Variants in RXFP3 observed in about 807,000 individuals in gnomAD.
The protein encoded by RXFP3 is relaxin-3 receptor 1.
RXFP3 carries 31 observed loss-of-function variants against 27.3 expected under a neutral mutation model. The ratio of observed to expected loss-of-function variants is 1.13; its 90% CI spans 0.85 to 1.53. The LOEUF is 1.53. RXFP3 is among the 40% of genes most tolerant of loss of function. The pLI is 0.00. For synonymous variants in RXFP3, 351 were observed against 293.6 expected (o/e 1.20, Z -2.00); for missense variants, 684 against 642.1 (o/e 1.07, Z -0.70).
rs773760844 is a variant in RXFP3 at position 33,936,735 on chromosome 5, C to T, written c.-6C>T. 1.1e-5 allele frequency: 17 copies of T among 1,516,606 alleles called. No homozygotes were observed. The highest frequency in any genetic ancestry group is 1.4e-5 in the Non-Finnish European group (16 of 1,130,982). 93.9% of individuals were successfully genotyped at this position (1,516,606 alleles called of 1,614,324 possible). A position where few individuals can be genotyped will look rare whatever the true frequency, so the allele number is the denominator to read the frequency against. ...CCCCCAGAACATGACCTAGAGGTAC[C>T]TGCGCATGCAGATGGCCGATGCAGC... is the stretch of plus-strand genomic sequence containing the variant. On this transcript the variant is annotated 5_prime_UTR_variant, in exon 1 of 1. Transcript: ENST00000330120.
Position 33,937,217 on chromosome 5 carries a change from C to T in RXFP3, c.477C>T (p.Ser159=). ...GCAAGGCCATGTGTAAGATCGTGTC[C>T]ATGGTGACGTCCATGAACATGTACG... ...PFGKAMCKIV[S]MVTSMNMYAS... Residue 159 remains serine (S), a synonymous_variant, in exon 1 of 1, where the codon TCC becomes TCT. Transcript: ENST00000330120. The T allele has an allele frequency of 6.2e-7, 1 of 1,614,172 alleles. No individual in the cohort carries two copies. The highest frequency in any genetic ancestry group is 8.5e-7 in the Non-Finnish European group (1 of 1,180,038).
chr5:33,937,172 T>C lies in RXFP3; in HGVS notation c.432T>C (p.Leu144=), dbSNP rs778925412. Residue 144 remains leucine (L), a synonymous_variant, in exon 1 of 1, where the codon CTT becomes CTC. Coordinates refer to ENST00000330120, the MANE Select transcript of RXFP3 (RefSeq NM_016568.3). ...TLPFWAVENA[L]DFKWPFGKAM... ...CCTTCTGGGCGGTGGAGAACGCTCT[T>C]GACTTCAAATGGCCCTTCGGCAAGG... is the stretch of plus-strand genomic sequence containing the variant. The C allele has an allele frequency of 1.2e-6, 2 of 1,613,880 alleles. No homozygotes were observed. The highest frequency in any genetic ancestry group is 3.3e-5 in the Admixed American group (2 of 60,032).
In RXFP3 at chr5:33,938,022, G is replaced by A; in HGVS notation, c.1282G>A (p.Asp428Asn). Residue 428 changes from aspartate (D) to asparagine (N), a missense_variant, in exon 1 of 1, where the codon GAT (aspartate) becomes AAT (asparagine). Physicochemically the swap from Asp to Asn is conservative, Grantham distance 23. Coordinates refer to ENST00000330120, the MANE Select transcript of RXFP3 (RefSeq NM_016568.3). ...CGCCACTACCAAGCCGGAGCACGAG[G>A]ATCAGGGGCTGCAGGCCCCGGCGCC... ...FTATTKPEHE[D>N]QGLQAPAPPH... 1 of 1,612,736 alleles carries A rather than the reference G, an allele frequency of 6.2e-7. No homozygotes were observed. The highest frequency in any genetic ancestry group is 8.5e-7 in the Non-Finnish European group (1 of 1,179,912).
rs544849272 is a variant in RXFP3, at chr5:33,938,242, C to A, written c.*92C>A. The A allele has an allele frequency of 1.3e-5, 16 of 1,193,836 alleles. No individual in the cohort carries two copies. Among genetic ancestry groups the A allele is most frequent in the Non-Finnish European group, 1.7e-5 (15 of 860,328 alleles). The allele number at this position is 1,193,836 out of a possible 1,614,324, so 74.0% of individuals were successfully genotyped here. On this transcript the variant is annotated 3_prime_UTR_variant, in exon 1 of 1. Transcript: ENST00000330120. ...AAGGATGAAGGAGGGCTGGGGGGGG[C>A]CCCATTTAAGAAGTAGGTGGGAGGA...
At position 33,937,402 on chromosome 5, in the gene RXFP3, T is replaced by C; in HGVS notation, c.662T>C (p.Ile221Thr). The C allele has an allele frequency of 6.2e-7, 1 of 1,613,442 alleles. No individual in the cohort carries two copies. Among genetic ancestry groups the C allele is most frequent in the Non-Finnish European group, 8.5e-7 (1 of 1,179,912 alleles). Residue 221 changes from isoleucine to threonine, a missense_variant, in exon 1 of 1, where the codon ATC becomes ACC. Transcript: ENST00000330120. Reference sequence around the variant, plus strand: ...TCGGCCAAGGCGCTGTGTGTGTGGATCTGGGCTTTGGCCGCGCTGGCCTCG... The same window carrying C: ...TCGGCCAAGGCGCTGTGTGTGTGGACCTGGGCTTTGGCCGCGCTGGCCTCG... Reference protein sequence around the residue: ...CFSAKALCVWIWALAALASLP... With the variant: ...CFSAKALCVWTWALAALASLP...
chr5:33,937,972 C>G lies in RXFP3; in HGVS notation c.1232C>G (p.Ser411Trp). 1.2e-6 allele frequency: 2 copies of G among 1,613,144 alleles called. No homozygotes were observed. The highest frequency in any genetic ancestry group is 1.7e-6 in the Non-Finnish European group (2 of 1,180,034). The change falls in exon 1 of 1, where the codon TCG becomes TGG. Residue 411 changes from serine to tryptophan, a missense_variant. Coordinates refer to ENST00000330120, the MANE Select transcript of RXFP3 (RefSeq NM_016568.3). ...CTGCTGTGGCGCATCGCGTCTCCTTCGATCACCAGCATGCGCCCCTTCACC... is the reference window on the plus strand; with the variant it reads ...CTGCTGTGGCGCATCGCGTCTCCTTGGATCACCAGCATGCGCCCCTTCACC... ...KSLLWRIASP[S>W]ITSMRPFTAT...
chr5:33,937,692 GC>G lies in RXFP3; in HGVS notation c.955del (p.Arg319GlyfsTer10). The G allele has an allele frequency of 6.2e-7, 1 of 1,612,430 alleles. No homozygotes were observed. The highest frequency in any genetic ancestry group is 2.2e-5 in the East Asian group (1 of 44,810). ...CGGAGGACGCCCGACCGGAGCCAGC[GC>G]CCGGAGACTGTCGAAGGTCACCAAA... ...VAGGRPTGAS[A>X]RRLSKVTKSV... On this transcript the variant is annotated frameshift_variant, in exon 1 of 1. Coordinates refer to ENST00000330120, the MANE Select transcript of RXFP3 (RefSeq NM_016568.3). LOFTEE classifies it high-confidence loss of function.
Position 33,936,772 on chromosome 5 carries a change from C to A in RXFP3, c.32C>A (p.Thr11Asn), listed in dbSNP as rs760796106. Residue 11 changes from threonine (T) to asparagine (N), a missense_variant, in exon 1 of 1, where the codon ACC becomes AAC. By Grantham distance (65) the Thr-to-Asn change is moderately conservative. Transcript: ENST00000330120. MQMADAATIATMNKAAGGDKL... is the reference protein window; with the variant it reads MQMADAATIANMNKAAGGDKL... ...ATGGCCGATGCAGCCACGATAGCCA[C>A]CATGAATAAGGCAGCAGGCGGGGAC... The A allele has an allele frequency of 1.2e-5, 18 of 1,527,450 alleles. No individual in the cohort carries two copies. Among genetic ancestry groups the A allele is most frequent in the Non-Finnish European group, 1.5e-5 (17 of 1,135,102 alleles). 94.6% of individuals were successfully genotyped at this position (1,527,450 alleles called of 1,614,324 possible). A position where few individuals can be genotyped will look rare whatever the true frequency, so the allele number is the denominator to read the frequency against.
chr5:33,936,657 G>T lies in RXFP3; in HGVS notation c.-84G>T, dbSNP rs915997570. 9 of 1,331,208 alleles carry T rather than the reference G, an allele frequency of 6.8e-6. No individual in the cohort carries two copies. Among genetic ancestry groups the T allele is most frequent in the Non-Finnish European group, 9.1e-6 (9 of 990,224 alleles). 82.5% of individuals were successfully genotyped at this position (1,331,208 alleles called of 1,614,324 possible). A position where few individuals can be genotyped will look rare whatever the true frequency, so the allele number is the denominator to read the frequency against. On this transcript the variant is annotated 5_prime_UTR_variant, in exon 1 of 1. Transcript: ENST00000330120. ...CTTTGAAAGCTCCCACGCACGTCCCGCAGGCTAGCCTGGCAACAAAACTGG... is the reference window on the plus strand; with the variant it reads ...CTTTGAAAGCTCCCACGCACGTCCCTCAGGCTAGCCTGGCAACAAAACTGG...
In RXFP3 at chr5:33,937,404, T is replaced by A. The variant is rs1482319805; in HGVS notation, c.664T>A (p.Trp222Arg). The change falls in exon 1 of 1, where the codon TGG becomes AGG. Residue 222 changes from tryptophan to arginine, a missense_variant. Physicochemically the swap from Trp to Arg is moderately radical, Grantham distance 101. Transcript: ENST00000330120. ...FSAKALCVWI[W>R]ALAALASLPS... ...GGCCAAGGCGCTGTGTGTGTGGATC[T>A]GGGCTTTGGCCGCGCTGGCCTCGCT... 1 of 1,613,468 alleles carries A rather than the reference T, an allele frequency of 6.2e-7. No homozygotes were observed. Among genetic ancestry groups the A allele is most frequent in the Middle Eastern group, 1.7e-4 (1 of 6,018 alleles).
chr5:33,937,496 G>A lies in RXFP3; in HGVS notation c.756G>A (p.Pro252=). The A allele has an allele frequency of 6.3e-7, 1 of 1,597,910 alleles. No individual in the cohort carries two copies. The highest frequency in any genetic ancestry group is 1.3e-5 in the African/African-American group (1 of 74,650). ...AGGAGCTGTGCCTGGTGCGTTTCCCGGACAAGTTGCTGGGCCGCGACAGGC... is the reference window on the plus strand; with the variant it reads ...AGGAGCTGTGCCTGGTGCGTTTCCCAGACAAGTTGCTGGGCCGCGACAGGC... The part of the protein sequence containing the change: ...MGEELCLVRF[P]DKLLGRDRQF... The change falls in exon 1 of 1, where the codon CCG becomes CCA. Residue 252 remains proline, a synonymous_variant. Transcript: ENST00000330120.
At position 33,938,770 on chromosome 5, in the gene RXFP3, T is replaced by A. The variant is rs1206640330; in HGVS notation, c.*620T>A. ...CAAAGGAAAGCCACCTCCAATGGAG[T>A]CATTATGACAATTATCATTCCGGAC... On this transcript the variant is annotated 3_prime_UTR_variant, in exon 1 of 1. Coordinates refer to ENST00000330120, the MANE Select transcript of RXFP3 (RefSeq NM_016568.3). 1.3e-5 allele frequency among the ~76,000 whole-genome samples: 2 copies of A among 151,630 alleles called. No homozygotes were observed.
Position 33,937,606 on chromosome 5 carries a change from T to C in RXFP3, c.866T>C (p.Leu289Pro). ...PLGIIILCYL[L>P]LVRFIADRRA... Reference sequence around the variant, plus strand: ...GGCATCATTATCTTGTGCTACCTGCTGCTGGTGCGCTTCATCGCCGACCGC... The same window carrying C: ...GGCATCATTATCTTGTGCTACCTGCCGCTGGTGCGCTTCATCGCCGACCGC... Residue 289 changes from leucine (L) to proline (P), a missense_variant, in exon 1 of 1, where the codon CTG (leucine) becomes CCG (proline). Transcript: ENST00000330120. 1.9e-6 allele frequency: 3 copies of C among 1,577,718 alleles called. No individual in the cohort carries two copies. The highest frequency in any genetic ancestry group is 1.7e-6 in the Non-Finnish European group (2 of 1,161,948).
chr5:33,936,513 G>C lies in RXFP3; in HGVS notation c.-228G>C, dbSNP rs892155863. 1.2e-5 allele frequency: 5 copies of C among 430,682 alleles called. No homozygotes were observed. The highest frequency in any genetic ancestry group is 4.0e-5 in the African/African-American group (2 of 50,100). 26.7% of individuals were successfully genotyped at this position (430,682 alleles called of 1,614,324 possible). ...TGGACGCCGAGTGCTTGCCTTACGG[G>C]CTGCACTCCTCAACTCTGCTCCAAA... On this transcript the variant is annotated 5_prime_UTR_variant, in exon 1 of 1. Transcript: ENST00000330120.
rs1751718316 is a variant in RXFP3, at chr5:33,938,141, T to C, written c.1401T>C (p.Ser467=). Residue 467 remains serine, a synonymous_variant, in exon 1 of 1, where the codon TCT becomes TCC. Coordinates refer to ENST00000330120, the MANE Select transcript of RXFP3 (RefSeq NM_016568.3). Reference sequence around the variant, plus strand: ...GCTACGACCTGCTGCCCAGCAGCTCTGCCTACTGACGCAGGCCTCAGGCCC... The same window carrying C: ...GCTACGACCTGCTGCCCAGCAGCTCCGCCTACTGACGCAGGCCTCAGGCCC... The part of the protein sequence containing the change: ...GGRYDLLPSS[S]AY 6.3e-7 allele frequency: 1 copy of C among 1,597,428 alleles called. No homozygotes were observed. The highest frequency in any genetic ancestry group is 1.3e-5 in the African/African-American group (1 of 74,242).
At position 33,937,240 on chromosome 5, in the gene RXFP3, A is replaced by G. The variant is rs768045975; in HGVS notation, c.500A>G (p.Tyr167Cys). The G allele has an allele frequency of 6.2e-7, 1 of 1,613,922 alleles. No individual in the cohort carries two copies. The highest frequency in any genetic ancestry group is 8.5e-7 in the Non-Finnish European group (1 of 1,180,038). ...TCCATGGTGACGTCCATGAACATGT[A>G]CGCCAGCGTGTTCTTCCTCACTGCC... is the stretch of plus-strand genomic sequence containing the variant. Reference protein sequence around the residue: ...IVSMVTSMNMYASVFFLTAMS... With the variant: ...IVSMVTSMNMCASVFFLTAMS... Residue 167 changes from tyrosine (Y) to cysteine (C), a missense_variant, in exon 1 of 1, where the codon TAC becomes TGC. Coordinates refer to ENST00000330120, the MANE Select transcript of RXFP3 (RefSeq NM_016568.3).
rs1367571223 is a variant in RXFP3, at chr5:33,938,828, G to A, written c.*678G>A. 1.3e-5 allele frequency among the ~76,000 whole-genome samples: 2 copies of A among 152,230 alleles called. No individual in the cohort carries two copies. Among genetic ancestry groups the A allele is most frequent in the East Asian group, 1.9e-4 (1 of 5,196 alleles). On this transcript the variant is annotated 3_prime_UTR_variant, in exon 1 of 1. Transcript: ENST00000330120. Reference sequence around the variant, plus strand: ...GCGGGAACACCCTGAGCCCGACCTAGCTGCACAGCCCCGGAGCTCAGACGT... The same window carrying A: ...GCGGGAACACCCTGAGCCCGACCTAACTGCACAGCCCCGGAGCTCAGACGT...
chr5:33,937,262 T>C lies in RXFP3; in HGVS notation c.522T>C (p.Thr174=). 1 of 1,613,874 alleles carries C rather than the reference T, an allele frequency of 6.2e-7. No individual in the cohort carries two copies. The highest frequency in any genetic ancestry group is 8.5e-7 in the Non-Finnish European group (1 of 1,180,000). The change falls in exon 1 of 1, where the codon ACT becomes ACC. Residue 174 remains threonine, a synonymous_variant. Coordinates refer to ENST00000330120, the MANE Select transcript of RXFP3 (RefSeq NM_016568.3). ...MNMYASVFFL[T]AMSVTRYHSV... is the part of the protein sequence containing the mutation. The stretch of plus-strand genomic sequence containing the variant: ...TGTACGCCAGCGTGTTCTTCCTCAC[T>C]GCCATGAGTGTGACGCGCTACCATT...
Position 33,938,385 on chromosome 5 carries a change from C to G in RXFP3, c.*235C>G. Reference sequence around the variant, plus strand: ...GGCAAAGGGATAGAGACGAGCCCCACGGGCCAGACAGCCAACCTCCGCTCC... The same window carrying G: ...GGCAAAGGGATAGAGACGAGCCCCAGGGGCCAGACAGCCAACCTCCGCTCC... On this transcript the variant is annotated 3_prime_UTR_variant, in exon 1 of 1. Transcript: ENST00000330120. The G allele has an allele frequency of 1.8e-6, 1 of 568,500 alleles. No individual in the cohort carries two copies. The highest frequency in any genetic ancestry group is 2.7e-5 in the South Asian group (1 of 37,536). The allele number at this position is 568,500 out of a possible 1,614,324, so 35.2% of individuals were successfully genotyped here.
Sources: gnomAD v4.1 joint callset for allele counts (sites outside exome capture counted in the v4.1 genomes callset) on GRCh38, gnomAD v4.1.1 for gene constraint, MANE v1.5 for transcripts, NCBI Gene and HGNC (gene_info 2026-07-23, HGNC 2026-07-21) for gene names.